GLI2: variants seen among roughly 807,000 people sequenced by gnomAD.
GLI2 encodes transcription activator GLI2.
Under a neutral mutation model 78.9 loss-of-function variants are expected in GLI2, and 22 were observed. The observed-to-expected ratio is 0.28, with a 90% CI of 0.20 to 0.40. The LOEUF (loss-of-function observed/expected upper bound fraction) is 0.40. Ranked by LOEUF, GLI2 falls within the 10% of genes least tolerant of loss-of-function variation. The pLI, the probability that GLI2 is intolerant of heterozygous loss-of-function variation, is 1.00. For synonymous variants in GLI2, 974 were observed against 963.7 expected (o/e 1.01, Z -0.20); for missense variants, 2,097 against 2,213.2 (o/e 0.95, Z 1.05).
intron 5 of GLI2, among the ~76,000 whole-genome samples, chr2:120,961,384 G>C (rs543336397): frequency 6.6e-6 from 1 of 152,160 alleles, no homozygotes. Context: ...AAGGGGAACC[G>C]AGGCAAAGGA....
rs1390565661 is a variant in GLI2 at position 120,989,833 on chromosome 2, T to C, written c.3868T>C (p.Ser1290Pro). 1.2e-6 allele frequency: 2 copies of C among 1,612,148 alleles called. No homozygotes were observed. The highest frequency in any genetic ancestry group is 3.3e-5 in the Admixed American group (2 of 59,940). Residue 1290 changes from serine to proline, a missense_variant, in exon 14 of 14, where the codon TCA becomes CCA. Transcript: ENST00000361492. ...CCACAGGGAACTTGGGGTCCCCGAT[T>C]CAGCCCTGGCTGGAGTGCCACCACC... Reference protein sequence around the residue: ...NRHRELGVPDSALAGVPPPHP... With the variant: ...NRHRELGVPDPALAGVPPPHP...
intron 3 of GLI2, among the ~76,000 whole-genome samples, chr2:120,930,529 G>A (rs554644819): frequency 6.6e-6 from 1 of 152,304 alleles, no homozygotes; most frequent in African/African-American, 2.4e-5. Context: ...GAGTCCAGCC[G>A]AGCCCTTCTT....
intron 2 of GLI2, among the ~76,000 whole-genome samples, chr2:120,906,269 G>T (rs565078099): frequency 6.6e-6 from 1 of 152,308 alleles, no homozygotes; most frequent in Non-Finnish European, 1.5e-5. Context: ...CCCTCTCCCT[G>T]CCTGTACCAG....
intron 2 of GLI2, among the ~76,000 whole-genome samples, chr2:120,903,949 C>G (rs1678390153): frequency 6.6e-6 from 1 of 152,000 alleles, no homozygotes. Flanking sequence ...TGCAGGTGGG[C>G]TTTCAGGAAG....
chr2:120,769,745 G>A (rs568122558), intron 1 of GLI2, among the ~76,000 whole-genome samples: 1 of 152,336 alleles, frequency 6.6e-6, no homozygotes, highest in Non-Finnish European at 1.5e-5. Flanking sequence ...ATTTGCTTGC[G>A]TCTGTATGTG....
intron 2 of GLI2, among the ~76,000 whole-genome samples, chr2:120,879,937 G>C (rs1220235841): frequency 1.3e-5 from 2 of 152,206 alleles, no homozygotes; most frequent in Non-Finnish European, 2.9e-5. Flanking sequence ...AGGATTTTAA[G>C]TGCTGGTTAA....
intron 2 of GLI2, among the ~76,000 whole-genome samples, chr2:120,804,926 C>A (rs1684872388): frequency 6.6e-6 from 1 of 152,198 alleles, no homozygotes; most frequent in Non-Finnish European, 1.5e-5. Context: ...CTCTTCTTAC[C>A]CTCTGCTTAC....
chr2:120,864,668 C>T (rs1688045386), intron 2 of GLI2, among the ~76,000 whole-genome samples: 1 of 152,140 alleles, frequency 6.6e-6, no homozygotes, highest in African/African-American at 2.4e-5. Flanking sequence ...AGGATGGTCT[C>T]GATCTCTTGA....
chr2:120,918,468 CCT>C (rs1679207638), intron 2 of GLI2, among the ~76,000 whole-genome samples: 1 of 144,686 alleles, frequency 6.9e-6, no homozygotes, highest in African/African-American at 2.6e-5. Flanking sequence ...GGATATGGAG[CCT>C]CTCTCTGTCT....
intron 9 of GLI2, 93 bp downstream of exon 9, chr2:120,975,202 G>C (rs1211851626): frequency 3.1e-6 from 4 of 1,284,022 alleles, no homozygotes; most frequent in Non-Finnish European, 4.4e-6. Context: ...AGACAGAAGG[G>C]GCTGGAGGAA....
At chr2:120,866,437 A>T (rs1688137183) in intron 2 of GLI2, 1 of 152,296 alleles carries the variant, frequency 6.6e-6, no homozygotes, top group African/African-American at 2.4e-5. Context: ...CCATTGCTTA[A>T]GGTAAGATCT....
chr2:120,761,417 G>A (rs1441719181), intron 1 of GLI2, among the ~76,000 whole-genome samples: 1 of 152,178 alleles, frequency 6.6e-6, no homozygotes, highest in African/African-American at 2.4e-5. Flanking sequence ...CAGTGGGTGA[G>A]GCCAAGCATT....
intron 2 of GLI2, among the ~76,000 whole-genome samples, chr2:120,799,807 A>G (rs749714386): frequency 8.5e-5 from 13 of 152,184 alleles, no homozygotes; most frequent in Non-Finnish European, 1.6e-4. Flanking sequence ...GAAGGCTCCA[A>G]AGAGCCATGG....
intron 2 of GLI2, among the ~76,000 whole-genome samples, chr2:120,803,086 C>T (rs1479797662): frequency 1.3e-5 from 2 of 152,252 alleles, no homozygotes; most frequent in African/African-American, 4.8e-5. Flanking sequence ...CACAGAGCTG[C>T]AGTGCAGAGA....
chr2:120,801,348 A>G (rs896069399), intron 2 of GLI2, among the ~76,000 whole-genome samples: 3 of 152,152 alleles, frequency 2.0e-5, no homozygotes, highest in African/African-American at 4.8e-5. Context: ...CATGTTAGCC[A>G]GGCTGGTCTC....
intron 2 of GLI2, among the ~76,000 whole-genome samples, chr2:120,884,096 G>A (rs938350213): frequency 5.3e-5 from 8 of 152,310 alleles, no homozygotes; most frequent in African/African-American, 1.9e-4. Context: ...TCAGTGCTGG[G>A]CTCACAACCA....
chr2:120,787,455 C>T (rs2104678688), intron 1 of GLI2, among the ~76,000 whole-genome samples: 1 of 152,296 alleles, frequency 6.6e-6, no homozygotes, highest in East Asian at 1.9e-4. Context: ...TTAAGGGGGC[C>T]TTGGCATGGG....
At chr2:120,848,569 C>T (rs1022010375) in intron 2 of GLI2, among the ~76,000 whole-genome samples, 5 of 152,236 alleles carry the variant, frequency 3.3e-5, no homozygotes, top group African/African-American at 9.6e-5. Flanking sequence ...TTGCAGAAGG[C>T]GCTGGCAGGA....
chr2:120,813,646 C>A (rs1004883173), intron 2 of GLI2, among the ~76,000 whole-genome samples: 1 of 152,142 alleles, frequency 6.6e-6, no homozygotes, highest in Non-Finnish European at 1.5e-5. Context: ...GCCCCAGATC[C>A]CCAGGTCCCC....
Sources: gnomAD v4.1 joint callset for allele counts (sites outside exome capture counted in the v4.1 genomes callset) on GRCh38, gnomAD v4.1.1 for gene constraint, MANE v1.5 for transcripts, NCBI Gene and HGNC (gene_info 2026-07-23, HGNC 2026-07-21) for gene names.